Variants in CSGALNACT1 observed in about 807,000 individuals in gnomAD.
The protein encoded by CSGALNACT1 is beta4GalNAcT-1.
In CSGALNACT1, 52 loss-of-function variants were observed where a neutral mutation model predicts 51.0. The ratio of observed to expected loss-of-function variants is 1.02; its 90% confidence interval spans 0.82 to 1.29. The LOEUF is 1.29. Among genes scored for constraint, CSGALNACT1 ranks in the 50% most tolerant of loss-of-function variants. CSGALNACT1 has a pLI of 0.00. For synonymous variants in CSGALNACT1, 341 were observed against 254.4 expected, an observed-to-expected ratio of 1.34 and a Z score of -3.24; for missense variants, 935 against 679.2, an observed-to-expected ratio of 1.38 and a Z score of -4.19.
At chr8:19,465,965 C>G (rs188481745) in intron 4 of CSGALNACT1, among the ~76,000 whole-genome samples, 89 of 152,260 alleles carry the variant, frequency 5.8e-4, no homozygotes, top group African/African-American at 2.1e-3. Context: ...TCAGAATAAA[C>G]AAGGTAAAGT....
chr8:19,476,628 C>T (rs542396907), intron 4 of CSGALNACT1, among the ~76,000 whole-genome samples: 11 of 152,282 alleles, frequency 7.2e-5, no homozygotes, highest in African/African-American at 2.4e-4. Context: ...CCTATAACTG[C>T]ATGACCTAAG....
chr8:19,679,141 A>G (rs942561095), intron 1 of CSGALNACT1, among the ~76,000 whole-genome samples: 1 of 152,236 alleles, frequency 6.6e-6, no homozygotes, highest in African/African-American at 2.4e-5. Context: ...AAGGAAATTC[A>G]AGACAGCAGC....
intron 4 of CSGALNACT1, among the ~76,000 whole-genome samples, chr8:19,501,887 C>T (rs2076485242): frequency 6.6e-6 from 1 of 152,206 alleles, no homozygotes; most frequent in East Asian, 1.9e-4. Flanking sequence ...TCTACTCTCA[C>T]TTCTCTTCCC....
At chr8:19,733,739 C>G (rs73202528) in intron 1 of CSGALNACT1, among the ~76,000 whole-genome samples, 2 of 152,150 alleles carry the variant, frequency 1.3e-5, no homozygotes, top group African/African-American at 4.8e-5. Flanking sequence ...CCAAGGCAGA[C>G]TAGCTAAGGT....
intron 6 of CSGALNACT1, among the ~76,000 whole-genome samples, chr8:19,434,167 G>A (rs890549950): frequency 6.6e-5 from 10 of 152,144 alleles, no homozygotes; most frequent in African/African-American, 2.4e-4. Context: ...TACTGCTTTT[G>A]TAGAGAGGAG....
At chr8:19,616,682 TTCTC>T (rs141483018) in intron 1 of CSGALNACT1, among the ~76,000 whole-genome samples, 3 of 150,340 alleles carry the variant, frequency 2.0e-5, no homozygotes, top group East Asian at 1.9e-4. Context: ...TCCCCCCTCA[TTCTC>T]TCTCTCTCTC....
At chr8:19,404,622 A>ATTTTTT (rs746903152) in exon 10 of CSGALNACT1, 4 of 434,064 alleles carry the variant, frequency 9.2e-6, no homozygotes, top group South Asian at 5.0e-5. Context: ...ATATATATAT[A>ATTTTTT]TTTTTTTCTC....
intron 1 of CSGALNACT1, among the ~76,000 whole-genome samples, chr8:19,632,875 C>T (rs888630436): frequency 3.3e-5 from 5 of 152,152 alleles, no homozygotes; most frequent in South Asian, 4.2e-4. Context: ...CTGCCTTAGC[C>T]TCTCAAGTAG....
chr8:19,719,385 T>C (rs906296404), intron 1 of CSGALNACT1, among the ~76,000 whole-genome samples: 28 of 152,168 alleles, frequency 1.8e-4, no homozygotes, highest in African/African-American at 6.8e-4. Context: ...TATTTGTCAT[T>C]ATCTAAGGGG....
chr8:19,550,307 G>A (rs2087666087), intron 3 of CSGALNACT1, among the ~76,000 whole-genome samples: 1 of 152,148 alleles, frequency 6.6e-6, no homozygotes. Flanking sequence ...TAGAAAAACA[G>A]ATTTTGGACT....
At chr8:19,603,032 C>T (rs1435737924), upstream of CSGALNACT1, among the ~76,000 whole-genome samples, 1 of 126,622 alleles carries the variant, frequency 7.9e-6, no homozygotes, top group African/African-American at 3.0e-5. Flanking sequence ...ATACAATTTG[C>T]TATTACTGTG....
At chr8:19,619,855 G>A (rs562966822) in intron 1 of CSGALNACT1, among the ~76,000 whole-genome samples, 1 of 152,252 alleles carries the variant, frequency 6.6e-6, no homozygotes, top group Admixed American at 6.5e-5. Flanking sequence ...TTGACAAGAG[G>A]CAGTATAATG....
chr8:19,604,951 C>T (rs1453350790), upstream of CSGALNACT1, among the ~76,000 whole-genome samples: 1 of 149,100 alleles, frequency 6.7e-6, no homozygotes, highest in Non-Finnish European at 1.5e-5. Flanking sequence ...ATGGGGCTTA[C>T]ATAACACAGC....
At chr8:19,659,572 G>A (rs933524286) in intron 1 of CSGALNACT1, among the ~76,000 whole-genome samples, 1 of 152,170 alleles carries the variant, frequency 6.6e-6, no homozygotes, top group Non-Finnish European at 1.5e-5. Flanking sequence ...AAAAATATTT[G>A]AATTGAATCT....
chr8:19,639,703 G>C (rs944880956), intron 1 of CSGALNACT1, among the ~76,000 whole-genome samples: 1 of 152,140 alleles, frequency 6.6e-6, no homozygotes, highest in Non-Finnish European at 1.5e-5. Flanking sequence ...AAGGGGAAGA[G>C]AGCTGCTTTT....
intron 3 of CSGALNACT1, among the ~76,000 whole-genome samples, chr8:19,516,475 TG>T (rs752483999): frequency 6.6e-6 from 1 of 152,184 alleles, no homozygotes; most frequent in Non-Finnish European, 1.5e-5. Context: ...TTTATGAGCT[TG>T]CCTGGCCCCT....
chr8:19,526,057 T>G (rs1450430349), intron 3 of CSGALNACT1, among the ~76,000 whole-genome samples: 1 of 152,184 alleles, frequency 6.6e-6, no homozygotes, highest in Non-Finnish European at 1.5e-5. Context: ...GTAATTATTT[T>G]CAAATAAAAA....
chr8:19,646,080 G>A (rs949549492), intron 1 of CSGALNACT1, among the ~76,000 whole-genome samples: 5 of 152,102 alleles, frequency 3.3e-5, no homozygotes, highest in Admixed American at 1.3e-4. Flanking sequence ...CCTATTGAAC[G>A]ACACTTTAAA....
intron 2 of CSGALNACT1, among the ~76,000 whole-genome samples, chr8:19,599,504 G>GAAAGAAAGAA (rs2049872876): frequency 8.9e-6 from 1 of 112,406 alleles, no homozygotes; most frequent in South Asian, 2.8e-4. Flanking sequence ...AAGAAAGAAA[G>GAAAGAAAGAA]AAAGAAAGAA....
Sources: gnomAD v4.1 joint callset for allele counts (sites outside exome capture counted in the v4.1 genomes callset) on GRCh38, gnomAD v4.1.1 for gene constraint, MANE v1.5 for transcripts, NCBI Gene and HGNC (gene_info 2026-07-23, HGNC 2026-07-21) for gene names.